Variants in PIEZO2 observed in about 807,000 individuals in gnomAD.
PIEZO2 encodes the protein piezo type mechanosensitive ion channel component 2.
In PIEZO2, 172 loss-of-function variants were observed where a neutral mutation model predicts 337.3. That is an observed-to-expected ratio of 0.51 (90% CI 0.45 to 0.58). PIEZO2 has a LOEUF of 0.58. PIEZO2 is among the 20% of genes least tolerant of loss of function. The pLI, the probability that PIEZO2 is intolerant of heterozygous loss-of-function variation, is 0.00. For synonymous variants in PIEZO2, 1,251 were observed against 1,228.5 expected (o/e 1.02, Z -0.38); for missense variants, 3,028 against 3,391.3 (o/e 0.89, Z 2.66).
At position 11,146,975 on chromosome 18, in the gene PIEZO2, C is replaced by T. The variant is rs2040827014; in HGVS notation, c.64+1550G>A. 6.6e-6 allele frequency among the ~76,000 whole-genome samples: 1 copy of T among 152,180 alleles called. No homozygotes were observed. The highest frequency in any genetic ancestry group is 1.5e-5 in the Non-Finnish European group (1 of 68,034). ...TCTGCACTGAGGACCATAAATCACG[C>T]TTCATGCTAAAAGCCCTTTGTTAAC... On this transcript the variant is annotated intron_variant, in intron 1 of 55. Coordinates refer to ENST00000674853, the MANE Select transcript of PIEZO2 (RefSeq NM_001378183.1). The surrounding 1 kb of genome is among the most constrained non-coding windows in gnomAD (Gnocchi z 6.1).
intron 13 of PIEZO2, 87 bp from the exon 14 acceptor site, chr18:10,791,411 C>G: frequency 1.5e-6 from 2 of 1,337,274 alleles, no homozygotes; most frequent in Non-Finnish European, 2.0e-6. Flanking sequence ...TCTCCGCATT[C>G]CAGTGGGAGC....
rs1489293178 is a variant in PIEZO2, at chr18:10,750,436, C to T, written c.4168-249G>A. Among the ~76,000 whole-genome samples, 1 of 152,110 alleles carries T rather than the reference C, an allele frequency of 6.6e-6. No homozygotes were observed. The highest frequency in any genetic ancestry group is 2.4e-5 in the African/African-American group (1 of 41,416). ...TAATGTTTTCTGTACTTGGAAGCAC[C>T]AGTTTATCAAGAAGAAATCTTGGAC... is the stretch of plus-strand genomic sequence containing the variant. On this transcript the variant is annotated intron_variant, in intron 28 of 55. Coordinates refer to ENST00000674853, the MANE Select transcript of PIEZO2 (RefSeq NM_001378183.1). The surrounding 1 kb of genome is among the most constrained non-coding windows in gnomAD (Gnocchi z 4.1).
intron 7 of PIEZO2, among the ~76,000 whole-genome samples, chr18:10,851,198 A>T: frequency 7.4e-6 from 1 of 135,810 alleles, no homozygotes; most frequent in Non-Finnish European, 1.5e-5. Context: ...GTTTTCTTCC[A>T]ACTCAGAGTT....
chr18:10,889,391 T>A (rs1321221401), intron 4 of PIEZO2, among the ~76,000 whole-genome samples: 2 of 152,252 alleles, frequency 1.3e-5, no homozygotes, highest in African/African-American at 2.4e-5. Context: ...TGAATTATTT[T>A]AAGGCTTTTG....
At position 11,105,887 on chromosome 18, in the gene PIEZO2, C is replaced by T. The variant is rs896991271; in HGVS notation, c.65-39665G>A. Among the ~76,000 whole-genome samples the T allele has an allele frequency of 6.6e-6, 1 of 152,160 alleles. No homozygotes were observed. The highest frequency in any genetic ancestry group is 1.5e-5 in the Non-Finnish European group (1 of 68,028). ...CACAATTACTCCCAAACAATCTAGTCCTTCTTCTGTAGGGTTATCTGACTG... is the reference window on the plus strand; with the variant it reads ...CACAATTACTCCCAAACAATCTAGTTCTTCTTCTGTAGGGTTATCTGACTG... On this transcript the variant is annotated intron_variant, in intron 1 of 55. Coordinates refer to ENST00000674853, the MANE Select transcript of PIEZO2 (RefSeq NM_001378183.1). The surrounding 1 kb of genome is among the most constrained non-coding windows in gnomAD (Gnocchi z 4.3).
intron 7 of PIEZO2, among the ~76,000 whole-genome samples, chr18:10,842,638 G>T (rs1266715771): frequency 1.3e-5 from 2 of 152,232 alleles, no homozygotes; most frequent in African/African-American, 4.8e-5. Context: ...CGGCAGAACT[G>T]TGAGCCAAAT....
At chr18:10,896,287 G>C (rs139196987) in intron 4 of PIEZO2, among the ~76,000 whole-genome samples, 79 of 152,116 alleles carry the variant, frequency 5.2e-4, no homozygotes, top group African/African-American at 1.8e-3. Flanking sequence ...TTTCTGGAAG[G>C]TGCTGGTGAC....
At chr18:11,055,018 T>C (rs1417816930) in intron 2 of PIEZO2, among the ~76,000 whole-genome samples, 2 of 152,038 alleles carry the variant, frequency 1.3e-5, no homozygotes, top group Non-Finnish European at 2.9e-5. Flanking sequence ...AAGACTATCC[T>C]GGCTAACACG....
In PIEZO2 at chr18:11,127,493, G is replaced by A. The variant is rs6505620; in HGVS notation, c.64+21032C>T. Among the ~76,000 whole-genome samples the A allele has an allele frequency of 0.2, 29,877 of 151,744 alleles. 4,119 individuals carry two copies. The highest frequency in any genetic ancestry group is 0.38 in the African/African-American group (15,725 of 41,290). On this transcript the variant is annotated intron_variant, in intron 1 of 55. Transcript: ENST00000674853. The surrounding 1 kb of genome is among the most constrained non-coding windows in gnomAD (Gnocchi z 4.5). ...GCGAATATAAAGAAGGTAGGAAAACGTGACAAGGAGGGACAGGCCTAGTCT... is the reference window on the plus strand; with the variant it reads ...GCGAATATAAAGAAGGTAGGAAAACATGACAAGGAGGGACAGGCCTAGTCT...
At chr18:10,710,227 ACCCACATAAT>A (rs2035762523) in intron 39 of PIEZO2, among the ~76,000 whole-genome samples, 2 of 152,248 alleles carry the variant, frequency 1.3e-5, no homozygotes, top group South Asian at 4.1e-4. Context: ...AGTTCTCAGA[ACCCACATAAT>A]CCCACACAGT....
chr18:10,971,949 AG>A (rs2034253285), intron 3 of PIEZO2, among the ~76,000 whole-genome samples: 1 of 152,142 alleles, frequency 6.6e-6, no homozygotes, highest in Non-Finnish European at 1.5e-5. Context: ...TTTCCCTACC[AG>A]TAATACGATA....
intron 1 of PIEZO2, among the ~76,000 whole-genome samples, chr18:11,082,507 T>C (rs1011960550): frequency 6.6e-6 from 1 of 151,944 alleles, no homozygotes; most frequent in Non-Finnish European, 1.5e-5. Flanking sequence ...TTAGTAGAGA[T>C]GGGGTTTCAC....
At chr18:11,065,699 C>T (rs2038123603) in intron 2 of PIEZO2, among the ~76,000 whole-genome samples, 1 of 152,176 alleles carries the variant, frequency 6.6e-6, no homozygotes, top group African/African-American at 2.4e-5. Flanking sequence ...CTTCCTACCC[C>T]ATTCTCCTGT....
At chr18:10,898,999 G>A (rs138982120) in intron 4 of PIEZO2, among the ~76,000 whole-genome samples, 141 of 152,336 alleles carry the variant, frequency 9.3e-4, no homozygotes, top group African/African-American at 3.2e-3. Context: ...AAGAAAGGCA[G>A]GGAGGCAGAG....
chr18:11,014,262 G>A (rs546984232), intron 2 of PIEZO2, among the ~76,000 whole-genome samples: 187 of 131,354 alleles, frequency 1.4e-3, no homozygotes, highest in Non-Finnish European at 2.2e-3. Context: ...GTGGGACAGC[G>A]ATCCAAGGCC....
Position 10,682,429 on chromosome 18 carries a change from T to G in PIEZO2, c.7498-137A>C. The stretch of plus-strand genomic sequence containing the variant: ...GGCCCTGAATCTTCTCTGTTCGCTC[T>G]GAAATGGGGATAGCAACCTTGTCCC... On this transcript the variant is annotated intron_variant, in intron 49 of 55. Transcript: ENST00000674853. The surrounding 1 kb of genome is among the most constrained non-coding windows in gnomAD (Gnocchi z 5.6). The G allele has an allele frequency of 1.3e-6, 1 of 767,122 alleles. No individual in the cohort carries two copies. Among genetic ancestry groups the G allele is most frequent in the Non-Finnish European group, 2.0e-6 (1 of 489,300 alleles). The allele number at this position is 767,122 out of a possible 1,614,324, so 47.5% of individuals were successfully genotyped here.
At chr18:10,933,759 T>A (rs1240984379) in intron 3 of PIEZO2, among the ~76,000 whole-genome samples, 1 of 152,174 alleles carries the variant, frequency 6.6e-6, no homozygotes, top group Admixed American at 6.6e-5. Context: ...AATCCCCACA[T>A]GTCAAGGTCA....
chr18:10,770,582 TTCC>T (rs2038560134), intron 20 of PIEZO2, among the ~76,000 whole-genome samples: 1 of 152,184 alleles, frequency 6.6e-6, no homozygotes, highest in South Asian at 2.1e-4. Flanking sequence ...TCTTCCTTCC[TTCC>T]TTCCTTCCAC....
chr18:10,949,646 T>C (rs940432531), intron 3 of PIEZO2, among the ~76,000 whole-genome samples: 1 of 152,364 alleles, frequency 6.6e-6, no homozygotes, highest in East Asian at 1.9e-4. Context: ...CCAGCCACAA[T>C]TGGTTGGAAA....
Sources: gnomAD v4.1 joint callset for allele counts (sites outside exome capture counted in the v4.1 genomes callset) on GRCh38, gnomAD v4.1.1 for gene constraint, Gnocchi (gnomAD v3.1) non-coding constraint, MANE v1.5 for transcripts, NCBI Gene and HGNC (gene_info 2026-07-23, HGNC 2026-07-21) for gene names.